Variants in TRIM61 observed in about 807,000 individuals in gnomAD.
TRIM61 encodes tripartite motif containing 61.
In TRIM61, 1 loss-of-function variant was observed where a neutral mutation model predicts 14.2. The ratio of observed to expected loss-of-function variants is 0.07; its 90% confidence interval spans 0.03 to 0.33. The LOEUF is 0.33. TRIM61 is among the 10% of genes least tolerant of loss of function. The pLI, the probability that TRIM61 is intolerant of heterozygous loss-of-function variation, is 0.99. For missense variants in TRIM61, 19 were observed against 202.2 expected, an observed-to-expected ratio of 0.09 and a Z score of 5.49; for synonymous variants, 8 against 71.6, an observed-to-expected ratio of 0.11 and a Z score of 4.49.
rs74813001 is a variant in TRIM61, at chr4:164,967,330, A to G, written c.525+2148T>C. Among the ~76,000 whole-genome samples, 65 of 152,350 alleles carry G rather than the reference A, an allele frequency of 4.3e-4. No individual in the cohort carries two copies. The East Asian group carries it at 0.012, about 28-fold the overall frequency. On this transcript the variant is annotated intron_variant, in intron 3 of 4. Coordinates refer to ENST00000329314, the MANE Select transcript of TRIM61 (RefSeq NM_001012414.3). ...TAAAAAGATACAACATAATCCCATC[A>G]AAAGCTCGTCTTTTTTGTTGACACA...
chr4:164,971,590 CAA>C (rs75634308), intron 2 of TRIM61, among the ~76,000 whole-genome samples: 21 of 64,360 alleles, frequency 3.3e-4, no homozygotes, highest in Non-Finnish European at 3.0e-4. Flanking sequence ...AACTCTGTCT[CAA>C]AAAAAAAAAA....
intron 3 of TRIM61, among the ~76,000 whole-genome samples, chr4:164,956,217 CA>C (rs1367154555): frequency 1.3e-5 from 2 of 152,090 alleles, no homozygotes; most frequent in Non-Finnish European, 2.9e-5. Flanking sequence ...AGGGGCGGGC[CA>C]ACATGTCCGG....
At chr4:164,959,165 T>C (rs1732079367) in intron 3 of TRIM61, 1 of 166,982 alleles carries the variant, frequency 6.0e-6, no homozygotes, top group East Asian at 1.9e-4. Flanking sequence ...CCATATCTGC[T>C]CATCTCTAAA....
chr4:164,963,505 C>CTGCCAAGGCTGCG (rs1732177489), intron 3 of TRIM61, among the ~76,000 whole-genome samples: 2 of 152,242 alleles, frequency 1.3e-5, no homozygotes, highest in South Asian at 4.1e-4. Flanking sequence ...AATCCCAGCA[C>CTGCCAAGGCTGCG]TGCCAAGGCA....
chr4:164,976,275 C>A (rs1732481104), intron 2 of TRIM61, among the ~76,000 whole-genome samples: 1 of 152,170 alleles, frequency 6.6e-6, no homozygotes, highest in Non-Finnish European at 1.5e-5. Flanking sequence ...GTCCCCTGGG[C>A]CCACTGTTGT....
intron 3 of TRIM61, among the ~76,000 whole-genome samples, chr4:164,956,352 T>C (rs548703284): frequency 6.6e-6 from 1 of 152,266 alleles, no homozygotes; most frequent in Non-Finnish European, 1.5e-5. Context: ...AGGCATGAGC[T>C]TCCATGCCGG....
At chr4:164,976,525 T>TA (rs1261171121) in intron 2 of TRIM61, among the ~76,000 whole-genome samples, 163 bp downstream of exon 2, 2 of 152,198 alleles carry the variant, frequency 1.3e-5, no homozygotes, top group Non-Finnish European at 2.9e-5. Context: ...CACCCTAGTT[T>TA]AAACCACTTA....
At chr4:164,961,859 T>C (rs1732143486) in intron 3 of TRIM61, among the ~76,000 whole-genome samples, 1 of 152,228 alleles carries the variant, frequency 6.6e-6, no homozygotes, top group Admixed American at 6.5e-5. Flanking sequence ...AAGTACATCA[T>C]AGGATGATTT....
At chr4:164,976,173 C>T (rs561574169) in intron 2 of TRIM61, among the ~76,000 whole-genome samples, 13 of 152,276 alleles carry the variant, frequency 8.5e-5, no homozygotes, top group Admixed American at 8.5e-4. Flanking sequence ...TACTACATTC[C>T]TTTTTGCTGA....
intron 2 of TRIM61, among the ~76,000 whole-genome samples, chr4:164,974,449 C>A (rs1284816536): frequency 6.6e-6 from 1 of 152,196 alleles, no homozygotes; most frequent in Non-Finnish European, 1.5e-5. Context: ...GATGCAGAAC[C>A]TGCATCCACT....
intron 3 of TRIM61, among the ~76,000 whole-genome samples, chr4:164,961,924 G>A (rs527744016): frequency 6.6e-6 from 1 of 152,284 alleles, no homozygotes; most frequent in Non-Finnish European, 1.5e-5. Context: ...TTGCAGTTGT[G>A]TAGCTTATTG....
Position 164,955,098 on chromosome 4 carries a change from T to TAAAA in TRIM61, c.526-3_526-2insTTTT. 1.1e-5 allele frequency: 1 copy of TAAAA among 89,218 alleles called. No individual in the cohort carries two copies. The highest frequency in any genetic ancestry group is 2.2e-5 in the Non-Finnish European group (1 of 45,302). The allele number at this position is 89,218 out of a possible 1,614,324, so 5.5% of individuals were successfully genotyped here. On this transcript the variant is annotated splice_polypyrimidine_tract_variant and splice_region_variant and intron_variant, in intron 3 of 4. Coordinates refer to ENST00000329314, the MANE Select transcript of TRIM61 (RefSeq NM_001012414.3). The stretch of plus-strand genomic sequence containing the variant: ...CCTGGTGACAGAAGGAGACTCCATC[T>TAAAA]CAAAAAAAAAAAAAAAAAAAATTAT...
chr4:164,959,481 G>T (rs1330448338), intron 3 of TRIM61, among the ~76,000 whole-genome samples: 2 of 152,042 alleles, frequency 1.3e-5, no homozygotes, highest in African/African-American at 4.8e-5. Context: ...AGATGTGCCA[G>T]TCATTTTCCT....
At chr4:164,957,436 A>G (rs148584888) in intron 3 of TRIM61, 941 of 1,613,952 alleles carry the variant, frequency 5.8e-4, no homozygotes, top group Non-Finnish European at 7.4e-4. Context: ...TTTTTGTGAC[A>G]AGGACTAGAG....
At chr4:164,968,068 C>G (rs1426488355) in intron 3 of TRIM61, 1 of 688,292 alleles carries the variant, frequency 1.5e-6, no homozygotes, top group Admixed American at 6.3e-5. Flanking sequence ...TGAAGAATAG[C>G]TTGAACCTGG....
At chr4:164,960,315 C>T (rs977930685) in intron 3 of TRIM61, among the ~76,000 whole-genome samples, 9 of 151,764 alleles carry the variant, frequency 5.9e-5, no homozygotes, top group African/African-American at 4.8e-5. Flanking sequence ...GAGGCCGAGG[C>T]GGGTGGATCA....
At position 164,956,286 on chromosome 4, in the gene TRIM61, A is replaced by G. The variant is rs377514457; in HGVS notation, c.526-1190T>C. 6.6e-5 allele frequency among the ~76,000 whole-genome samples: 10 copies of G among 152,272 alleles called. No individual in the cohort carries two copies. In the South Asian group the frequency reaches 1.5e-3, roughly 22 times the overall value. The stretch of plus-strand genomic sequence containing the variant: ...TCACCATGTTGGCCTGGCTGGTCTC[A>G]AACTCCAGAGCTCATGTGATCCGCC... On this transcript the variant is annotated intron_variant, in intron 3 of 4. Coordinates refer to ENST00000329314, the MANE Select transcript of TRIM61 (RefSeq NM_001012414.3).
At position 164,975,253 on chromosome 4, in the gene TRIM61, C is replaced by T. The variant is rs149240865; in HGVS notation, c.-338+1435G>A. Among the ~76,000 whole-genome samples, 284 of 151,180 alleles carry T rather than the reference C, an allele frequency of 1.9e-3. 1 individual carries two copies. The highest frequency in any genetic ancestry group is 6.5e-3 in the African/African-American group (270 of 41,230). ...CTTAAAAAAAAAAAAAAGAATCTTG[C>T]CCAATGTCACATAGTTAGTAAACTG... On this transcript the variant is annotated intron_variant, in intron 2 of 4. Transcript: ENST00000329314.
rs905824540 is a variant in TRIM61 at position 164,971,204 on chromosome 4, A to T, written c.-337-865T>A. Among the ~76,000 whole-genome samples, 5 of 152,220 alleles carry T rather than the reference A, an allele frequency of 3.3e-5. No homozygotes were observed. In the East Asian group the frequency reaches 9.6e-4, roughly 29 times the overall value. ...AAATTGAGCACAATAAAATTATCACAGTAAGAAGTAAAATGCCCTTGTTGT... is the reference window on the plus strand; with the variant it reads ...AAATTGAGCACAATAAAATTATCACTGTAAGAAGTAAAATGCCCTTGTTGT... On this transcript the variant is annotated intron_variant, in intron 2 of 4. Coordinates refer to ENST00000329314, the MANE Select transcript of TRIM61 (RefSeq NM_001012414.3).
Sources: gnomAD v4.1 joint callset for allele counts (sites outside exome capture counted in the v4.1 genomes callset) on GRCh38, gnomAD v4.1.1 for gene constraint, MANE v1.5 for transcripts, NCBI Gene and HGNC (gene_info 2026-07-23, HGNC 2026-07-21) for gene names.